SLC27A2: variants seen among roughly 807,000 people sequenced by gnomAD.
The protein encoded by SLC27A2 is solute carrier family 27 member 2, also known as long-chain fatty acid transport protein 2.
SLC27A2 carries 54 observed loss-of-function variants against 60.0 expected under a neutral mutation model. The observed-to-expected ratio is 0.90, with a 90% CI of 0.72 to 1.13. SLC27A2 has a LOEUF of 1.13. Among genes scored for constraint, SLC27A2 ranks in the 50% most tolerant of loss-of-function variants. SLC27A2 has a pLI of 0.00. For missense variants in SLC27A2, 739 were observed against 777.6 expected (o/e 0.95, Z 0.59); for synonymous variants, 297 against 297.6 (o/e 1.00, Z 0.02).
At chr15:50,224,495 A>G (rs1172200522) in intron 5 of SLC27A2, among the ~76,000 whole-genome samples, 1 of 152,214 alleles carries the variant, frequency 6.6e-6, no homozygotes, top group Non-Finnish European at 1.5e-5. Flanking sequence ...CTATAGCCCA[A>G]TGCCTGTCAT....
intron 5 of SLC27A2, among the ~76,000 whole-genome samples, chr15:50,223,540 T>C (rs967028000): frequency 1.6e-4 from 17 of 108,484 alleles, no homozygotes; most frequent in Non-Finnish European, 2.7e-4. Flanking sequence ...CCTGGGGAGT[T>C]TTTTTTATAT....
At chr15:50,230,236 CAAAAAAAA>C (rs921052664) in intron 8 of SLC27A2, among the ~76,000 whole-genome samples, 6 of 48,684 alleles carry the variant, frequency 1.2e-4, no homozygotes, top group Non-Finnish European at 2.0e-4. Context: ...TCTGTCTCAC[CAAAAAAAA>C]AAAAAAAAAA....
chr15:50,196,078 ATATATATATATATATATATAT>A (rs1315372171), intron 1 of SLC27A2, among the ~76,000 whole-genome samples: 135 of 7,798 alleles, frequency 0.017, 34 homozygotes, highest in South Asian at 0.036. Context: ...AAAAAAAAAA[ATATATATATATATATATATAT>A]ATATATATAT....
chr15:50,193,744 C>A (rs2044992820), intron 1 of SLC27A2, among the ~76,000 whole-genome samples: 2 of 152,030 alleles, frequency 1.3e-5, no homozygotes. Context: ...ATATTTTGTG[C>A]AAAATTTTTT....
chr15:50,226,520 T>C (rs918931343), intron 6 of SLC27A2, among the ~76,000 whole-genome samples: 2 of 152,138 alleles, frequency 1.3e-5, no homozygotes, highest in Non-Finnish European at 2.9e-5. Flanking sequence ...TCATTTGAGA[T>C]AAGGAGTTCG....
chr15:50,209,663 A>G (rs1403053251), intron 4 of SLC27A2, among the ~76,000 whole-genome samples: 7 of 152,170 alleles, frequency 4.6e-5, no homozygotes, highest in Admixed American at 4.6e-4. Context: ...GCATTTTTAG[A>G]CAGTCCTTTT....
chr15:50,205,022 G>C (rs2045099956), intron 3 of SLC27A2, among the ~76,000 whole-genome samples: 1 of 151,074 alleles, frequency 6.6e-6, no homozygotes, highest in Non-Finnish European at 1.5e-5. Flanking sequence ...TTATTAAAAT[G>C]ACCTTTGTAT....
At chr15:50,220,170 C>T (rs1362502263) in intron 4 of SLC27A2, among the ~76,000 whole-genome samples, 1 of 152,178 alleles carries the variant, frequency 6.6e-6, no homozygotes, top group Non-Finnish European at 1.5e-5. Flanking sequence ...TGATTATGAG[C>T]TCAGCTACCT....
At chr15:50,232,589 C>T (rs990623749) in intron 8 of SLC27A2, among the ~76,000 whole-genome samples, 27 of 152,030 alleles carry the variant, frequency 1.8e-4, no homozygotes, top group Non-Finnish European at 3.4e-4. Flanking sequence ...AGAGTTGGGG[C>T]AGAGGCCTGA....
intron 1 of SLC27A2, among the ~76,000 whole-genome samples, chr15:50,183,205 G>A (rs1280368145): frequency 6.6e-6 from 1 of 152,196 alleles, no homozygotes; most frequent in Non-Finnish European, 1.5e-5. Context: ...GGTCCTGAGA[G>A]GTGAAGCCTC....
intron 1 of SLC27A2, chr15:50,191,153 CAG>C (rs978810959): frequency 2.0e-5 from 3 of 152,176 alleles, no homozygotes; most frequent in Non-Finnish European, 4.4e-5. Context: ...ATCTATATCA[CAG>C]AGTTGTTATG....
At chr15:50,218,115 A>C (rs1259906682) in intron 4 of SLC27A2, among the ~76,000 whole-genome samples, 1 of 151,464 alleles carries the variant, frequency 6.6e-6, no homozygotes, top group Non-Finnish European at 1.5e-5. Flanking sequence ...ATGTATCATT[A>C]ATATCCTCAG....
intron 1 of SLC27A2, among the ~76,000 whole-genome samples, chr15:50,185,193 T>C (rs1238049531): frequency 2.0e-5 from 3 of 152,206 alleles, no homozygotes; most frequent in Non-Finnish European, 4.4e-5. Context: ...TACAACCAGA[T>C]ACCCTCTTCC....
chr15:50,192,887 G>A (rs1213286348), intron 1 of SLC27A2, among the ~76,000 whole-genome samples: 1 of 146,224 alleles, frequency 6.8e-6, no homozygotes, highest in Non-Finnish European at 1.5e-5. Flanking sequence ...TGAAAAATAA[G>A]AAAAAAAAAA....
In SLC27A2 at chr15:50,219,726, A is replaced by G. The variant is rs2045229843; in HGVS notation, c.973-3239A>G. Among the ~76,000 whole-genome samples, 4 of 152,276 alleles carry G rather than the reference A, an allele frequency of 2.6e-5. No homozygotes were observed. The South Asian group carries it at 8.3e-4, about 32-fold the overall frequency. The stretch of plus-strand genomic sequence containing the variant: ...TCTTTAGAAACAGGTCAACTGCCTG[A>G]CCCACAGAAAAGCCTTCAATAGAAG... On this transcript the variant is annotated intron_variant, in intron 4 of 9. Transcript: ENST00000267842.
chr15:50,215,473 C>A (rs1290171042), intron 4 of SLC27A2, among the ~76,000 whole-genome samples: 1 of 151,994 alleles, frequency 6.6e-6, no homozygotes, highest in Non-Finnish European at 1.5e-5. Context: ...TTCTAAAATT[C>A]ATATGGAACC....
intron 4 of SLC27A2, among the ~76,000 whole-genome samples, chr15:50,210,781 C>G (rs1389492188): frequency 6.6e-6 from 1 of 152,170 alleles, no homozygotes; most frequent in Non-Finnish European, 1.5e-5. Context: ...GAAACAGACT[C>G]GGGGCCGTTG....
chr15:50,190,622 A>C (rs890291109), intron 1 of SLC27A2, among the ~76,000 whole-genome samples: 6 of 151,690 alleles, frequency 4.0e-5, no homozygotes, highest in Non-Finnish European at 5.9e-5. Flanking sequence ...TTCCTTAAAA[A>C]AAAAAAAAAA....
At chr15:50,194,677 G>T (rs926958394) in intron 1 of SLC27A2, among the ~76,000 whole-genome samples, 11 of 152,164 alleles carry the variant, frequency 7.2e-5, no homozygotes, top group African/African-American at 2.7e-4. Context: ...AGGAAATAAT[G>T]AGGACATGAG....
Sources: gnomAD v4.1 joint callset for allele counts (sites outside exome capture counted in the v4.1 genomes callset) on GRCh38, gnomAD v4.1.1 for gene constraint, MANE v1.5 for transcripts, NCBI Gene and HGNC (gene_info 2026-07-23, HGNC 2026-07-21) for gene names.